Variants in MAPK10 observed in about 807,000 individuals in gnomAD.
MAPK10 encodes mitogen-activated protein kinase 10.
MAPK10 carries 25 observed loss-of-function variants against 59.3 expected under a neutral mutation model. The observed-to-expected ratio is 0.42, with a 90% confidence interval of 0.31 to 0.59. The LOEUF (loss-of-function observed/expected upper bound fraction) is 0.59. MAPK10 is among the 20% of genes least tolerant of loss of function. MAPK10 has a pLI of 0.15. For synonymous variants in MAPK10, 190 were observed against 200.5 expected (o/e 0.95, Z 0.44); for missense variants, 351 against 568.9 (o/e 0.62, Z 3.90).
chr4:86,411,379 T>C (rs549746056), intron 1 of MAPK10, among the ~76,000 whole-genome samples: 5 of 152,330 alleles, frequency 3.3e-5, no homozygotes, highest in African/African-American at 9.6e-5. Context: ...GTATACTCTG[T>C]TGATTTGGGG....
At chr4:86,503,908 C>G (rs1163045295) in intron 1 of MAPK10, among the ~76,000 whole-genome samples, 4 of 151,988 alleles carry the variant, frequency 2.6e-5, no homozygotes, top group Non-Finnish European at 5.9e-5. Context: ...TTGCTCTTAC[C>G]CAAGGACAGC....
In MAPK10 at chr4:86,537,294, A is replaced by G. The variant is rs190554567; in HGVS notation, c.-263+56616T>C. Among the ~76,000 whole-genome samples the G allele has an allele frequency of 1.5e-4, 23 of 152,344 alleles. No homozygotes were observed. The East Asian group carries it at 4.0e-3, about 27-fold the overall frequency. On this transcript the variant is annotated intron_variant, in intron 1 of 4. Coordinates refer to the MAPK10 transcript ENST00000502302. ...ACTGAACTTTGTGGTGATAGATGGC[A>G]ACTATAGGCATCAGTGCAAATGCAG...
chr4:86,181,989 A>T (rs2077028039), intron 3 of MAPK10, among the ~76,000 whole-genome samples: 1 of 152,138 alleles, frequency 6.6e-6, no homozygotes, highest in Non-Finnish European at 1.5e-5. Context: ...CCTCTGTTCA[A>T]TTGAGAAAAG....
intron 1 of MAPK10, among the ~76,000 whole-genome samples, chr4:86,546,346 G>GA (rs1249819528): frequency 3.3e-5 from 5 of 151,462 alleles, no homozygotes; most frequent in Admixed American, 6.6e-5. Flanking sequence ...TTAGGAGTTC[G>GA]AGACAAGCCT....
At chr4:86,306,409 A>C (rs940860129) in intron 2 of MAPK10, among the ~76,000 whole-genome samples, 3 of 152,218 alleles carry the variant, frequency 2.0e-5, no homozygotes, top group Non-Finnish European at 4.4e-5. Flanking sequence ...TTATGAAAAT[A>C]CTTTTTGACT....
chr4:86,581,945 ATATTC>A (rs2149113032), intron 1 of MAPK10, among the ~76,000 whole-genome samples: 1 of 102,584 alleles, frequency 9.7e-6, no homozygotes, highest in African/African-American at 3.8e-5. Context: ...ATATATATAT[ATATTC>A]TAATACTGCA....
In MAPK10 at chr4:86,517,156, T is replaced by C. The variant is rs563193439; in HGVS notation, c.-263+76754A>G. On this transcript the variant is annotated intron_variant, in intron 1 of 4. Transcript: ENST00000502302. The stretch of plus-strand genomic sequence containing the variant: ...GATTTTGTCAAATGCTTTTTCTGCA[T>C]CTATTAAGATAATCATATTTTTGTT... Among the ~76,000 whole-genome samples, 53 of 152,290 alleles carry C rather than the reference T, an allele frequency of 3.5e-4. 1 individual carries two copies. The highest frequency in any genetic ancestry group is 1.2e-3 in the African/African-American group (51 of 41,574).
chr4:86,019,341 A>C (rs1397994050), intron 13 of MAPK10, among the ~76,000 whole-genome samples: 1 of 152,148 alleles, frequency 6.6e-6, no homozygotes, highest in Non-Finnish European at 1.5e-5. Context: ...CATCCTTTCT[A>C]ATCTTAAATG....
chr4:86,445,436 A>G (rs561813065), intron 1 of MAPK10, among the ~76,000 whole-genome samples: 11 of 152,302 alleles, frequency 7.2e-5, no homozygotes, highest in Admixed American at 5.9e-4. Flanking sequence ...GGAGAGTAGC[A>G]GGAAAAATAG....
chr4:86,043,812 C>A (rs770320853), intron 11 of MAPK10, among the ~76,000 whole-genome samples: 2 of 152,082 alleles, frequency 1.3e-5, no homozygotes, highest in Non-Finnish European at 2.9e-5. Flanking sequence ...TACTACCATT[C>A]GTAGAAAGTG....
intron 2 of MAPK10, chr4:86,268,051 A>G (rs1315125473): frequency 6.6e-6 from 1 of 152,206 alleles, no homozygotes; most frequent in South Asian, 2.1e-4. Flanking sequence ...AAAGTTATGC[A>G]TTGGATCAAT....
At chr4:86,208,079 G>T (rs569814374) in intron 2 of MAPK10, among the ~76,000 whole-genome samples, 1 of 152,108 alleles carries the variant, frequency 6.6e-6, no homozygotes, top group African/African-American at 2.4e-5. Flanking sequence ...AACAGGATCT[G>T]AAATTGTGGC....
chr4:86,118,571 A>C (rs1405322794), intron 4 of MAPK10, among the ~76,000 whole-genome samples: 1 of 98,230 alleles, frequency 1.0e-5, no homozygotes, highest in African/African-American at 4.3e-5. Flanking sequence ...TATTTATATA[A>C]ATACACATAC....
At chr4:86,139,639 T>G (rs1338793620) in intron 4 of MAPK10, among the ~76,000 whole-genome samples, 1 of 152,098 alleles carries the variant, frequency 6.6e-6, no homozygotes, top group Non-Finnish European at 1.5e-5. Context: ...ATTTCATGTC[T>G]AAAACATCAA....
chr4:86,100,945 C>A, intron 8 of MAPK10, 107 bp downstream of exon 8: 1 of 934,142 alleles, frequency 1.1e-6, no homozygotes. Context: ...TCTGGCAGCC[C>A]TACTTTATAA....
chr4:86,444,298 G>A (rs1481933288), intron 1 of MAPK10, among the ~76,000 whole-genome samples: 1 of 152,030 alleles, frequency 6.6e-6, no homozygotes, highest in Non-Finnish European at 1.5e-5. Context: ...GAAAATCAAA[G>A]ATAAAGAAAA....
At chr4:86,455,440 T>C (rs1751147522), upstream of MAPK10, among the ~76,000 whole-genome samples, 1 of 151,826 alleles carries the variant, frequency 6.6e-6, no homozygotes, top group Non-Finnish European at 1.5e-5. Context: ...TCACATAAAT[T>C]TAAGGTAAAG....
intron 9 of MAPK10, among the ~76,000 whole-genome samples, chr4:86,096,596 G>C (rs1468039472): frequency 6.6e-6 from 1 of 151,924 alleles, no homozygotes; most frequent in Admixed American, 6.6e-5. Context: ...AAGTGCATGA[G>C]AGAGATGTGG....
chr4:86,574,433 G>C (rs1340866500), intron 1 of MAPK10, among the ~76,000 whole-genome samples: 2 of 151,496 alleles, frequency 1.3e-5, no homozygotes, highest in African/African-American at 4.9e-5. Flanking sequence ...TAATGGGATG[G>C]CTGGGTCAAA....
Sources: gnomAD v4.1 joint callset for allele counts (sites outside exome capture counted in the v4.1 genomes callset) on GRCh38, gnomAD v4.1.1 for gene constraint, MANE v1.5 for transcripts, NCBI Gene and HGNC (gene_info 2026-07-23, HGNC 2026-07-21) for gene names.